The following TEX264 variants were observed in gnomAD, a reference collection of about 807,000 sequenced individuals.
The protein encoded by TEX264 is testis-expressed protein 264.
Under a neutral mutation model 23.4 loss-of-function variants are expected in TEX264, and 13 were observed. That is an observed-to-expected ratio of 0.56 (90% CI 0.36 to 0.88). The LOEUF (loss-of-function observed/expected upper bound fraction) is 0.88, where lower values mean the gene tolerates loss of function less well. TEX264 is among the 40% of genes least tolerant of loss of function. TEX264 has a pLI of 0.01. For missense variants in TEX264, 340 were observed against 406.8 expected (o/e 0.84, Z 1.41); for synonymous variants, 159 against 170.0 (o/e 0.94, Z 0.50).
intron 2 of TEX264, 87 bp from the exon 3 acceptor site, chr3:51,684,326 G>A: frequency 8.1e-7 from 1 of 1,234,132 alleles, no homozygotes; most frequent in East Asian, 2.4e-5. Context: ...GTTCTTTTAG[G>A]CCTGATCTGG....
chr3:51,690,867 G>T (rs1702805677), intron 3 of TEX264, among the ~76,000 whole-genome samples: 1 of 152,194 alleles, frequency 6.6e-6, no homozygotes, highest in Non-Finnish European at 1.5e-5. Context: ...GAAGGAAGGT[G>T]CCCCAAGGTC....
chr3:51,689,010 T>C (rs574933371), intron 3 of TEX264, among the ~76,000 whole-genome samples: 26 of 152,106 alleles, frequency 1.7e-4, no homozygotes, highest in Admixed American at 5.2e-4. Context: ...TCCCAGCTAC[T>C]CAGGAGGCTG....
At chr3:51,693,216 G>A (rs986695725) in intron 3 of TEX264, among the ~76,000 whole-genome samples, 6 of 152,182 alleles carry the variant, frequency 3.9e-5, no homozygotes, top group African/African-American at 7.2e-5. Context: ...GTGAGCTGCC[G>A]GCTCTGAGGT....
chr3:51,692,103 A>G (rs1456348976), intron 3 of TEX264, among the ~76,000 whole-genome samples: 5 of 152,190 alleles, frequency 3.3e-5, no homozygotes, highest in African/African-American at 1.2e-4. Flanking sequence ...ACCACTCTCA[A>G]AATACCAGCT....
chr3:51,692,630 G>A (rs887992091), intron 3 of TEX264, among the ~76,000 whole-genome samples: 2 of 152,244 alleles, frequency 1.3e-5, no homozygotes, highest in Non-Finnish European at 2.9e-5. Flanking sequence ...TCCTGCTGCT[G>A]GATAATCATC....
intron 3 of TEX264, among the ~76,000 whole-genome samples, chr3:51,692,619 T>C (rs1317846230): frequency 1.3e-5 from 2 of 152,262 alleles, no homozygotes; most frequent in South Asian, 2.1e-4. Flanking sequence ...ACGAGCAGCC[T>C]TCCTGCTGCT....
chr3:51,684,490 C>G lies in TEX264; in HGVS notation c.336C>G (p.Ile112Met). The change falls in exon 3 of 5, where the codon ATC (isoleucine) becomes ATG (methionine). Residue 112 changes from isoleucine (I) to methionine (M), a missense_variant. Transcript: ENST00000341333. ...EGEESPSPEL[I>M]DLYQKFGFKV... ...AGGAATCGCCCTCCCCTGAGCTCAT[C>G]GACCTCTACCAGAAATTTGGCTTCA... 30 of 1,614,234 alleles carry G rather than the reference C, an allele frequency of 1.9e-5. No individual in the cohort carries two copies. Among genetic ancestry groups the G allele is most frequent in the Non-Finnish European group, 2.5e-5 (30 of 1,180,044 alleles).
intron 1 of TEX264, chr3:51,671,658 G>A (rs1404723233): frequency 6.5e-6 from 1 of 154,738 alleles, no homozygotes; most frequent in African/African-American, 2.4e-5. Flanking sequence ...GACGTGCGTG[G>A]GGCTCCGTGA....
At chr3:51,684,001 T>C in intron 2 of TEX264, 1 of 236,534 alleles carries the variant, frequency 4.2e-6, no homozygotes. Context: ...ACAGTTCTGC[T>C]GGTGGCCCTG....
chr3:51,694,055 C>A (rs1702944869), intron 3 of TEX264, among the ~76,000 whole-genome samples: 1 of 127,186 alleles, frequency 7.9e-6, no homozygotes, highest in African/African-American at 2.9e-5. Context: ...TCCTCCCTTC[C>A]CTTCCCTTCC....
intron 4 of TEX264, 114 bp downstream of exon 4, chr3:51,699,688 C>T: frequency 7.9e-7 from 1 of 1,269,616 alleles, no homozygotes; most frequent in East Asian, 2.4e-5. Flanking sequence ...GGGTGTCAGG[C>T]TATGCTTGGC....
At chr3:51,694,340 A>G (rs1702975704) in intron 3 of TEX264, 1 of 152,162 alleles carries the variant, frequency 6.6e-6, no homozygotes, top group Non-Finnish European at 1.5e-5. Flanking sequence ...TATGTTGGCC[A>G]GGCTGGTCTG....
chr3:51,693,380 C>T (rs1289195508), intron 3 of TEX264, among the ~76,000 whole-genome samples: 1 of 152,152 alleles, frequency 6.6e-6, no homozygotes, highest in South Asian at 2.1e-4. Context: ...GCCTCCCTGG[C>T]TCCTCTGCCA....
chr3:51,702,652 T>C (rs918284393), intron 4 of TEX264, among the ~76,000 whole-genome samples: 1 of 152,224 alleles, frequency 6.6e-6, no homozygotes, highest in African/African-American at 2.4e-5. Flanking sequence ...CTGTGATGTT[T>C]GACAGCTGAC....
chr3:51,676,437 A>T (rs1159339072), intron 2 of TEX264, among the ~76,000 whole-genome samples: 2 of 152,210 alleles, frequency 1.3e-5, no homozygotes, highest in Non-Finnish European at 2.9e-5. Flanking sequence ...TGCCTCCTGC[A>T]GCTTTCCCAG....
chr3:51,684,325 G>T lies in TEX264; in HGVS notation c.259-88G>T, dbSNP rs1299824004. 3.3e-6 allele frequency: 4 copies of T among 1,220,460 alleles called. No individual in the cohort carries two copies. The African/African-American group carries it at 4.5e-5, about 14-fold the overall frequency. The allele number at this position is 1,220,460 out of a possible 1,614,324, so 75.6% of individuals were successfully genotyped here. A position where few individuals can be genotyped will look rare whatever the true frequency, so the allele number is the denominator to read the frequency against. The stretch of plus-strand genomic sequence containing the variant: ...CTTGTCAGAGCTGCTGGTTCTTTTA[G>T]GCCTGATCTGGCACAGTCCCAGGAG... On this transcript the variant is annotated intron_variant, in intron 2 of 4. Coordinates refer to ENST00000341333, the MANE Select transcript of TEX264 (RefSeq NM_015926.6).
At chr3:51,687,167 G>A (rs1185732104) in intron 3 of TEX264, among the ~76,000 whole-genome samples, 1 of 152,218 alleles carries the variant, frequency 6.6e-6, no homozygotes, top group East Asian at 1.9e-4. Context: ...GCTTGTGTGG[G>A]CTTGGCCATC....
In TEX264 at chr3:51,684,403, G is replaced by A; in HGVS notation, c.259-10G>A. On this transcript the variant is annotated splice_polypyrimidine_tract_variant and intron_variant, in intron 2 of 4. Coordinates refer to ENST00000341333, the MANE Select transcript of TEX264 (RefSeq NM_015926.6). ...TGGCCAACTCTCACACCCATGCTTT[G>A]CTTCCCCAGGTGCCCCCTGATAAGT... 1 of 1,613,312 alleles carries A rather than the reference G, an allele frequency of 6.2e-7. No homozygotes were observed. The highest frequency in any genetic ancestry group is 8.5e-7 in the Non-Finnish European group (1 of 1,179,318).
At chr3:51,677,890 C>T (rs1702284265) in intron 2 of TEX264, among the ~76,000 whole-genome samples, 1 of 152,144 alleles carries the variant, frequency 6.6e-6, no homozygotes, top group Non-Finnish European at 1.5e-5. Context: ...AAACCCTTGG[C>T]ATGGTTGGGA....
Sources: gnomAD v4.1 joint callset for allele counts (sites outside exome capture counted in the v4.1 genomes callset) on GRCh38, gnomAD v4.1.1 for gene constraint, MANE v1.5 for transcripts, NCBI Gene and HGNC (gene_info 2026-07-23, HGNC 2026-07-21) for gene names.